Variants in MYF5 observed in about 807,000 individuals in gnomAD.
MYF5 encodes class C basic helix-loop-helix protein 2.
MYF5 carries 20 observed loss-of-function variants against 22.3 expected under a neutral mutation model. The observed-to-expected ratio is 0.90, with a 90% CI of 0.63 to 1.30. The LOEUF (loss-of-function observed/expected upper bound fraction) is 1.30, where lower values mean the gene tolerates loss of function less well. Among genes scored for constraint, MYF5 ranks in the 50% most tolerant of loss-of-function variants. The pLI is 0.00. For missense variants in MYF5, 348 were observed against 325.9 expected (o/e 1.07, Z -0.52); for synonymous variants, 141 against 128.4 (o/e 1.10, Z -0.66).
rs200169780 is a variant in MYF5, at chr12:80,717,465, G to T, written c.402G>T (p.Leu134=). 97 of 1,614,084 alleles carry T rather than the reference G, an allele frequency of 6.0e-5. No homozygotes were observed. The highest frequency in any genetic ancestry group is 7.9e-5 in the Non-Finnish European group (93 of 1,180,046). ...LRNAIRYIES[L]QELLREQVEN... is the part of the protein sequence containing the mutation. ...ATGCCATCCGCTACATCGAGAGCCT[G>T]CAGGAGTTGCTGAGAGAGCAGGTGG... is the stretch of plus-strand genomic sequence containing the variant. The change falls in exon 1 of 3, where the codon CTG becomes CTT. Residue 134 remains leucine, a synonymous_variant. Transcript: ENST00000228644.
At position 80,717,028 on chromosome 12, in the gene MYF5, G is replaced by T. The variant is rs538777579; in HGVS notation, c.-36G>T. 1.9e-6 allele frequency: 3 copies of T among 1,562,160 alleles called. No individual in the cohort carries two copies. The highest frequency in any genetic ancestry group is 4.5e-5 in the East Asian group (2 of 44,156). ...GCTCCCGTTTCTCCCCATCCCTCTCGCTGCCGTCCAGGTGCACCGCCTGCC... is the reference window on the plus strand; with the variant it reads ...GCTCCCGTTTCTCCCCATCCCTCTCTCTGCCGTCCAGGTGCACCGCCTGCC... On this transcript the variant is annotated 5_prime_UTR_variant, in exon 1 of 3. Coordinates refer to ENST00000228644, the MANE Select transcript of MYF5 (RefSeq NM_005593.3).
rs1249459857 is a variant in MYF5 at position 80,719,407 on chromosome 12, C to T, written c.*356C>T. 6.6e-6 allele frequency: 1 copy of T among 150,720 alleles called. No individual in the cohort carries two copies. Among genetic ancestry groups the T allele is most frequent in the East Asian group, 1.9e-4 (1 of 5,178 alleles). 9.3% of individuals were successfully genotyped at this position (150,720 alleles called of 1,614,324 possible). On this transcript the variant is annotated 3_prime_UTR_variant, in exon 3 of 3. Transcript: ENST00000228644. ...ATCAAAATGTCTCTGGTGTTTAGAG[C>T]TTTATTTTTTTCTTTAAAACATTAA...
At position 80,719,133 on chromosome 12, in the gene MYF5, G is replaced by A; in HGVS notation, c.*82G>A. 1 of 1,139,586 alleles carries A rather than the reference G, an allele frequency of 8.8e-7. No homozygotes were observed. Among genetic ancestry groups the A allele is most frequent in the Admixed American group, 2.4e-5 (1 of 40,930 alleles). The allele number at this position is 1,139,586 out of a possible 1,614,324, so 70.6% of individuals were successfully genotyped here. ...AAGGCTTCAAAAAGTCCCAAACCAA[G>A]ACAACATGTACATAAAGATTTCTTT... is the stretch of plus-strand genomic sequence containing the variant. On this transcript the variant is annotated 3_prime_UTR_variant, in exon 3 of 3. Coordinates refer to ENST00000228644, the MANE Select transcript of MYF5 (RefSeq NM_005593.3).
rs141800220 is a variant in MYF5 at position 80,717,510 on chromosome 12, G to T, written c.447G>T (p.Pro149=). Residue 149 remains proline, a synonymous_variant, in exon 1 of 3, where the codon CCG becomes CCT. Transcript: ENST00000228644. ...REQVENYYSL[P]GQSCSEPTSP... ...AGGTGGAGAACTACTATAGCCTGCCGGGACAGAGCTGCTCGGAGCCCACCA... is the reference window on the plus strand; with the variant it reads ...AGGTGGAGAACTACTATAGCCTGCCTGGACAGAGCTGCTCGGAGCCCACCA... The T allele has an allele frequency of 4.3e-4, 693 of 1,614,086 alleles. 5 individuals carry two copies. The highest frequency in any genetic ancestry group is 2.5e-3 in the Admixed American group (150 of 60,012).
rs2121362604 is a variant in MYF5, at chr12:80,719,467, A to G, written c.*416A>G. 6.6e-6 allele frequency: 1 copy of G among 151,952 alleles called. No individual in the cohort carries two copies. Among genetic ancestry groups the G allele is most frequent in the South Asian group, 2.1e-4 (1 of 4,824 alleles). The allele number at this position is 151,952 out of a possible 1,614,324, so 9.4% of individuals were successfully genotyped here. ...GAATCAGTTAAATGGAATTTTAAAT[A>G]TATTTAACTATTTCTTTTCTCTTTA... On this transcript the variant is annotated 3_prime_UTR_variant, in exon 3 of 3. Transcript: ENST00000228644.
At position 80,717,314 on chromosome 12, in the gene MYF5, G is replaced by T; in HGVS notation, c.251G>T (p.Arg84Leu). The part of the protein sequence containing the change: ...ACKRKSTTMD[R>L]RKAATMRERR... The stretch of plus-strand genomic sequence containing the variant: ...AAGAGGAAGTCCACCACCATGGATC[G>T]GCGGAAGGCAGCCACTATGCGCGAG... Residue 84 changes from arginine to leucine, a missense_variant, in exon 1 of 3, where the codon CGG becomes CTG. Transcript: ENST00000228644. The T allele has an allele frequency of 6.2e-7, 1 of 1,613,982 alleles. No homozygotes were observed. Among genetic ancestry groups the T allele is most frequent in the Non-Finnish European group, 8.5e-7 (1 of 1,180,012 alleles).
chr12:80,717,017 C>G lies in MYF5; in HGVS notation c.-47C>G. The G allele has an allele frequency of 6.4e-7, 1 of 1,555,750 alleles. No homozygotes were observed. On this transcript the variant is annotated 5_prime_UTR_variant, in exon 1 of 3. Coordinates refer to ENST00000228644, the MANE Select transcript of MYF5 (RefSeq NM_005593.3). Reference sequence around the variant, plus strand: ...GGAGGCGCCAGGCTCCCGTTTCTCCCCATCCCTCTCGCTGCCGTCCAGGTG... The same window carrying G: ...GGAGGCGCCAGGCTCCCGTTTCTCCGCATCCCTCTCGCTGCCGTCCAGGTG...
chr12:80,718,722 A>G (rs1868670635), intron 2 of MYF5, 139 bp from the exon 3 acceptor site: 2 of 756,684 alleles, frequency 2.6e-6, no homozygotes, highest in Non-Finnish European at 4.3e-6. Flanking sequence ...TATTTGTTGC[A>G]AATTTCTATG....
At position 80,719,060 on chromosome 12, in the gene MYF5, T is replaced by C; in HGVS notation, c.*9T>C. 6.2e-7 allele frequency: 1 copy of C among 1,612,864 alleles called. No homozygotes were observed. ...TCTATCATGTGCTATGAACTAATTT[T>C]CTGGTCTATATGACTTCTTCCAGGA... On this transcript the variant is annotated 3_prime_UTR_variant, in exon 3 of 3. Coordinates refer to ENST00000228644, the MANE Select transcript of MYF5 (RefSeq NM_005593.3).
intron 2 of MYF5, 52 bp downstream of exon 2, chr12:80,718,485 T>A (rs565904082): frequency 7.1e-7 from 1 of 1,405,930 alleles, no homozygotes; most frequent in South Asian, 1.2e-5. Context: ...ACCTAACAAT[T>A]CAGCCTATAA....
Position 80,717,201 on chromosome 12 carries a change from G to A in MYF5, c.138G>A (p.Leu46=), listed in dbSNP as rs150287880. ...VAAFGAHKAE[L]QGSDEDEHVR... is the part of the protein sequence containing the mutation. The stretch of plus-strand genomic sequence containing the variant: ...CCTTCGGAGCGCACAAAGCAGAGCT[G>A]CAGGGCTCAGATGAGGACGAGCACG... Residue 46 remains leucine (L), a synonymous_variant, in exon 1 of 3, where the codon CTG becomes CTA. Coordinates refer to ENST00000228644, the MANE Select transcript of MYF5 (RefSeq NM_005593.3). 719 of 1,614,038 alleles carry A rather than the reference G, an allele frequency of 4.5e-4. 3 individuals carry two copies. The African/African-American group carries it at 8.6e-3, about 19-fold the overall frequency.
chr12:80,716,945 A>T lies in MYF5; in HGVS notation c.-119A>T. The T allele has an allele frequency of 7.9e-7, 1 of 1,260,736 alleles. No individual in the cohort carries two copies. Among genetic ancestry groups the T allele is most frequent in the Non-Finnish European group, 1.1e-6 (1 of 923,762 alleles). The allele number at this position is 1,260,736 out of a possible 1,614,324, so 78.1% of individuals were successfully genotyped here. ...CAACAGGCGTCTGCCCTTGTTAATT[A>T]CCGGAGCGACAGACTAGGGAGCTCC... On this transcript the variant is annotated 5_prime_UTR_variant, in exon 1 of 3. Coordinates refer to ENST00000228644, the MANE Select transcript of MYF5 (RefSeq NM_005593.3).
chr12:80,718,682 C>T (rs1022571766), intron 2 of MYF5, among the ~76,000 whole-genome samples, 179 bp from the exon 3 acceptor site: 18 of 152,148 alleles, frequency 1.2e-4, no homozygotes, highest in African/African-American at 3.9e-4. Context: ...CTTCCCCACT[C>T]CCCACGTCTA....
rs760171176 is a variant in MYF5, at chr12:80,718,951, C to T, written c.668C>T (p.Pro223Leu). Residue 223 changes from proline to leucine, a missense_variant, in exon 3 of 3, where the codon CCT becomes CTT. Coordinates refer to ENST00000228644, the MANE Select transcript of MYF5 (RefSeq NM_005593.3). The part of the protein sequence containing the change: ...RITSSEQPGL[P>L]LQDLASLSPV... ...ACCTCCTCAGAGCAACCTGGGTTGCCTCTCCAGGATCTGGCTTCTCTCTCT... is the reference window on the plus strand; with the variant it reads ...ACCTCCTCAGAGCAACCTGGGTTGCTTCTCCAGGATCTGGCTTCTCTCTCT... 49 of 1,614,002 alleles carry T rather than the reference C, an allele frequency of 3.0e-5. No individual in the cohort carries two copies. Among genetic ancestry groups the T allele is most frequent in the African/African-American group, 6.7e-5 (5 of 74,904 alleles).
chr12:80,717,172 G>T lies in MYF5; in HGVS notation c.109G>T (p.Ala37Ser), dbSNP rs372806966. 17 of 1,613,844 alleles carry T rather than the reference G, an allele frequency of 1.1e-5. No individual in the cohort carries two copies. The highest frequency in any genetic ancestry group is 2.7e-5 in the African/African-American group (2 of 74,942). The change falls in exon 1 of 3, where the codon GCT becomes TCT. Residue 37 changes from alanine (A) to serine (S), a missense_variant. Coordinates refer to ENST00000228644, the MANE Select transcript of MYF5 (RefSeq NM_005593.3). Reference protein sequence around the residue: ...EFGDEFVPRVAAFGAHKAELQ... With the variant: ...EFGDEFVPRVSAFGAHKAELQ... Reference sequence around the variant, plus strand: ...TGGGGACGAGTTTGTGCCGCGAGTGGCTGCCTTCGGAGCGCACAAAGCAGA... The same window carrying T: ...TGGGGACGAGTTTGTGCCGCGAGTGTCTGCCTTCGGAGCGCACAAAGCAGA...
In MYF5 at chr12:80,717,314, G is replaced by A. The variant is rs764244361; in HGVS notation, c.251G>A (p.Arg84Gln). ...ACKRKSTTMD[R>Q]RKAATMRERR... ...AAGAGGAAGTCCACCACCATGGATC[G>A]GCGGAAGGCAGCCACTATGCGCGAG... Residue 84 changes from arginine to glutamine, a missense_variant, in exon 1 of 3, where the codon CGG (arginine) becomes CAG (glutamine). Arg to Gln is a conservative substitution (Grantham distance 43). Transcript: ENST00000228644. 7 of 1,613,864 alleles carry A rather than the reference G, an allele frequency of 4.3e-6. No homozygotes were observed. The highest frequency in any genetic ancestry group is 2.7e-5 in the African/African-American group (2 of 74,868).
Position 80,718,910 on chromosome 12 carries a change from C to T in MYF5, c.627C>T (p.Asn209=), listed in dbSNP as rs1486265850. ...TATCCAGCTTGGATTGCTTATCCAACATAGTGGACCGGATCACCTCCTCAG... is the reference window on the plus strand; with the variant it reads ...TATCCAGCTTGGATTGCTTATCCAATATAGTGGACCGGATCACCTCCTCAG... ...NSLSSLDCLS[N]IVDRITSSEQ... Residue 209 remains asparagine, a synonymous_variant, in exon 3 of 3, where the codon AAC becomes AAT. Transcript: ENST00000228644. 3 of 1,614,098 alleles carry T rather than the reference C, an allele frequency of 1.9e-6. No individual in the cohort carries two copies. Among genetic ancestry groups the T allele is most frequent in the Admixed American group, 3.3e-5 (2 of 60,028 alleles).
At position 80,718,907 on chromosome 12, in the gene MYF5, C is replaced by A. The variant is rs146104243; in HGVS notation, c.624C>A (p.Ser208=). 3.2e-5 allele frequency: 51 copies of A among 1,614,060 alleles called. No individual in the cohort carries two copies. In the Middle Eastern group the frequency reaches 4.9e-4, roughly 16 times the overall value. The part of the protein sequence containing the change: ...KNSLSSLDCL[S]NIVDRITSSE... ...CCTTATCCAGCTTGGATTGCTTATC[C>A]AACATAGTGGACCGGATCACCTCCT... The change falls in exon 3 of 3, where the codon TCC becomes TCA. Residue 208 remains serine, a synonymous_variant. Coordinates refer to ENST00000228644, the MANE Select transcript of MYF5 (RefSeq NM_005593.3).
In MYF5 at chr12:80,719,055, A is replaced by G; in HGVS notation, c.*4A>G. On this transcript the variant is annotated 3_prime_UTR_variant, in exon 3 of 3. Transcript: ENST00000228644. ...GCTTATCTATCATGTGCTATGAACT[A>G]ATTTTCTGGTCTATATGACTTCTTC... 1 of 1,613,112 alleles carries G rather than the reference A, an allele frequency of 6.2e-7. No homozygotes were observed. Among genetic ancestry groups the G allele is most frequent in the Middle Eastern group, 1.7e-4 (1 of 6,054 alleles).
Sources: gnomAD v4.1 joint callset for allele counts (sites outside exome capture counted in the v4.1 genomes callset) on GRCh38, gnomAD v4.1.1 for gene constraint, MANE v1.5 for transcripts, NCBI Gene and HGNC (gene_info 2026-07-23, HGNC 2026-07-21) for gene names.